The following ADAM17 variants were observed in gnomAD, a reference collection of about 807,000 sequenced individuals.
ADAM17 encodes the protein ADAM metallopeptidase domain 17.
ADAM17 carries 39 observed loss-of-function variants against 96.7 expected under a neutral mutation model. The observed-to-expected ratio is 0.40, with a 90% confidence interval of 0.31 to 0.53. The LOEUF (loss-of-function observed/expected upper bound fraction) is 0.53. Among genes scored for constraint, ADAM17 ranks in the 20% least tolerant of loss-of-function variants. The pLI is 0.44. For synonymous variants in ADAM17, 344 were observed against 359.2 expected (o/e 0.96, Z 0.48); for missense variants, 777 against 1,013.2 (o/e 0.77, Z 3.17).
At chr2:9,540,427 G>T (rs1665161079) in intron 2 of ADAM17, among the ~76,000 whole-genome samples, 1 of 151,384 alleles carries the variant, frequency 6.6e-6, no homozygotes, top group South Asian at 2.1e-4. Flanking sequence ...ATCACTTTTA[G>T]AGATAACTTA....
intron 10 of ADAM17, among the ~76,000 whole-genome samples, chr2:9,513,148 C>T (rs1053768856): frequency 6.6e-6 from 1 of 152,154 alleles, no homozygotes; most frequent in Non-Finnish European, 1.5e-5. Flanking sequence ...GCATGCACCA[C>T]CACACCTGGC....
chr2:9,492,534 A>G (rs1662242217), intron 17 of ADAM17, among the ~76,000 whole-genome samples: 1 of 152,216 alleles, frequency 6.6e-6, no homozygotes, highest in Admixed American at 6.5e-5. Flanking sequence ...AACATCTGAA[A>G]TGCCGATGTT....
chr2:9,490,487 G>A lies in ADAM17; in HGVS notation c.2165C>T (p.Ala722Val), dbSNP rs1309644556. 5 of 1,613,962 alleles carry A rather than the reference G, an allele frequency of 3.1e-6. No homozygotes were observed. The highest frequency in any genetic ancestry group is 3.4e-6 in the Non-Finnish European group (4 of 1,179,890). ...NVEMLSSMDS[A>V]SVRIIKPFPA... is the part of the protein sequence containing the mutation. Reference sequence around the variant, plus strand: ...AAAGGGTTTGATAATGCGAACCGATGCAGAATCCATGCTGCTCAGCATTTC... The same window carrying A: ...AAAGGGTTTGATAATGCGAACCGATACAGAATCCATGCTGCTCAGCATTTC... The change falls in exon 19 of 19, where the codon GCA becomes GTA. Residue 722 changes from alanine (A) to valine (V), a missense_variant. Physicochemically the swap from Ala to Val is moderately conservative, Grantham distance 64. Coordinates refer to ENST00000310823, the MANE Select transcript of ADAM17 (RefSeq NM_003183.6).
At chr2:9,551,990 C>T (rs777290620) in intron 1 of ADAM17, among the ~76,000 whole-genome samples, 1 of 152,072 alleles carries the variant, frequency 6.6e-6, no homozygotes. Context: ...GTGAAAAAAT[C>T]GTGTGTTAGG....
At chr2:9,505,572 T>C in intron 11 of ADAM17, 1 of 581,310 alleles carries the variant, frequency 1.7e-6, no homozygotes, top group East Asian at 2.9e-5. Flanking sequence ...AAATGGCTGA[T>C]GTGAACTTGG....
intron 4 of ADAM17, among the ~76,000 whole-genome samples, chr2:9,528,452 G>A (rs1664614524): frequency 6.6e-6 from 1 of 152,148 alleles, no homozygotes; most frequent in Non-Finnish European, 1.5e-5. Context: ...ATATTTATAT[G>A]AAAGAAAACT....
rs762481146 is a variant in ADAM17 at position 9,510,051 on chromosome 2, G to T, written c.1272C>A (p.Ala424=). The T allele has an allele frequency of 6.2e-7, 1 of 1,613,984 alleles. No homozygotes were observed. The highest frequency in any genetic ancestry group is 8.5e-7 in the Non-Finnish European group (1 of 1,179,988). Residue 424 remains alanine (A), a synonymous_variant, in exon 11 of 19, where the codon GCC becomes GCA. Coordinates refer to ENST00000310823, the MANE Select transcript of ADAM17 (RefSeq NM_003183.6). The part of the protein sequence containing the change: ...EHDPDGLAEC[A]PNEDQGGKYV... ...ATTTCCCTCCCTGGTCCTCATTCGGGGCACATTCTGCTAGACCATCCGGAT... is the reference window on the plus strand; with the variant it reads ...ATTTCCCTCCCTGGTCCTCATTCGGTGCACATTCTGCTAGACCATCCGGAT...
chr2:9,511,054 G>A (rs1024589642), intron 10 of ADAM17, among the ~76,000 whole-genome samples: 2 of 152,102 alleles, frequency 1.3e-5, no homozygotes, highest in African/African-American at 4.8e-5. Flanking sequence ...TAAGCTAACT[G>A]TAGTTAATTG....
At chr2:9,499,192 C>A (rs11690126) in intron 13 of ADAM17, among the ~76,000 whole-genome samples, 13,527 of 147,476 alleles carry the variant, frequency 0.092, 695 homozygotes, top group African/African-American at 0.14. Context: ...AGGAACTTAT[C>A]CTCTGCTATC....
rs1661814129 is a variant in ADAM17 at position 9,488,804 on chromosome 2, A to AAT, written c.*1371_*1372dup. 2 of 152,242 alleles carry AAT rather than the reference A, an allele frequency of 1.3e-5. No homozygotes were observed. Among genetic ancestry groups the AAT allele is most frequent in the African/African-American group, 4.8e-5 (2 of 41,444 alleles). The allele number at this position is 152,242 out of a possible 1,614,324, so 9.4% of individuals were successfully genotyped here. A position where few individuals can be genotyped will look rare whatever the true frequency, so the allele number is the denominator to read the frequency against. On this transcript the variant is annotated 3_prime_UTR_variant, in exon 19 of 19. Coordinates refer to ENST00000310823, the MANE Select transcript of ADAM17 (RefSeq NM_003183.6). ...TATCTGAGTAACAAATGTCCTTGGA[A>AAT]ATGGGGGGTAGGAGGAGATATGATT...
chr2:9,538,510 TTA>T (rs1046961259), intron 2 of ADAM17, among the ~76,000 whole-genome samples: 3 of 152,248 alleles, frequency 2.0e-5, no homozygotes, highest in Non-Finnish European at 4.4e-5. Context: ...ACATTCTCAG[TTA>T]TGATTTTTCC....
intron 7 of ADAM17, chr2:9,522,525 C>CATTTATAAACATGGTGAATG: frequency 2.0e-6 from 1 of 502,970 alleles, no homozygotes; most frequent in Non-Finnish European, 3.6e-6. Context: ...CAAAGTTTAA[C>CATTTATAAACATGGTGAATG]ATTTATAAAC....
At position 9,503,053 on chromosome 2, in the gene ADAM17, T is replaced by C. The variant is rs976867628; in HGVS notation, c.1545-777A>G. ...TACTCGGGAGGCTAAGGCAGGAGAA[T>C]AGCTTGAACCTGGAAGGCAGAGGTT... On this transcript the variant is annotated intron_variant, in intron 12 of 18. Coordinates refer to ENST00000310823, the MANE Select transcript of ADAM17 (RefSeq NM_003183.6). Among the ~76,000 whole-genome samples, 11 of 146,808 alleles carry C rather than the reference T, an allele frequency of 7.5e-5. 1 individual carries two copies. In the Middle Eastern group the frequency reaches 0.014, roughly 191 times the overall value.
intron 10 of ADAM17, 27 bp from the exon 11 acceptor site, chr2:9,510,158 A>G: frequency 1.2e-6 from 2 of 1,612,862 alleles, no homozygotes; most frequent in Non-Finnish European, 1.7e-6. Context: ...AGAAAACATT[A>G]TTTCTCAATA....
At chr2:9,544,049 C>T (rs1665317678) in intron 1 of ADAM17, among the ~76,000 whole-genome samples, 1 of 152,108 alleles carries the variant, frequency 6.6e-6, no homozygotes, top group South Asian at 2.1e-4. Context: ...AACAAAAACT[C>T]AATTTAACCA....
At chr2:9,520,988 G>GAAAAAAAAAAACAAAA (rs1234369493) in intron 8 of ADAM17, among the ~76,000 whole-genome samples, 1 of 112,028 alleles carries the variant, frequency 8.9e-6, no homozygotes, top group African/African-American at 3.3e-5. Flanking sequence ...AAAAAAAAAG[G>GAAAAAAAAAAACAAAA]AAGCATTGCT....
At chr2:9,509,255 C>T (rs1663593723) in intron 11 of ADAM17, among the ~76,000 whole-genome samples, 1 of 152,228 alleles carries the variant, frequency 6.6e-6, no homozygotes, top group Non-Finnish European at 1.5e-5. Flanking sequence ...TTTCCTCACA[C>T]TGCTTTATGC....
At chr2:9,524,150 T>C (rs1030455428) in intron 6 of ADAM17, among the ~76,000 whole-genome samples, 3 of 152,186 alleles carry the variant, frequency 2.0e-5, no homozygotes, top group African/African-American at 7.2e-5. Context: ...CAACTTATTT[T>C]ATTGGTAAGG....
intron 4 of ADAM17, among the ~76,000 whole-genome samples, chr2:9,533,188 T>TA (rs879812315): frequency 7.9e-4 from 110 of 138,660 alleles, no homozygotes; most frequent in African/African-American, 1.7e-3. Context: ...GATGCCATCT[T>TA]AAAAAAAAAA....
Sources: gnomAD v4.1 joint callset for allele counts (sites outside exome capture counted in the v4.1 genomes callset) on GRCh38, gnomAD v4.1.1 for gene constraint, MANE v1.5 for transcripts, NCBI Gene and HGNC (gene_info 2026-07-23, HGNC 2026-07-21) for gene names.